LUZP1: variants seen among roughly 807,000 people sequenced by gnomAD.
LUZP1 encodes leucine zipper protein 1, also known as filamin mechanobinding actin cross-linking protein.
Under a neutral mutation model 71.3 loss-of-function variants are expected in LUZP1, and 25 were observed. The ratio of observed to expected loss-of-function variants is 0.35; its 90% CI spans 0.26 to 0.49. The LOEUF (loss-of-function observed/expected upper bound fraction) is 0.49, where lower values mean the gene tolerates loss of function less well. Ranked by LOEUF, LUZP1 falls within the 20% of genes least tolerant of loss-of-function variation. The pLI is 0.99. For synonymous variants in LUZP1, 481 were observed against 506.4 expected, an observed-to-expected ratio of 0.95 and a Z score of 0.67; for missense variants, 1,142 against 1,300.8, an observed-to-expected ratio of 0.88 and a Z score of 1.88.
chr1:23,140,252 T>C (rs1644291954), intron 2 of LUZP1: 1 of 152,130 alleles, frequency 6.6e-6, no homozygotes, highest in Admixed American at 6.5e-5. Context: ...ACTACAACCA[T>C]GGCTGACAAA....
At chr1:23,173,192 G>A (rs1197978470) in intron 1 of LUZP1, among the ~76,000 whole-genome samples, 7 of 151,704 alleles carry the variant, frequency 4.6e-5, no homozygotes, top group Non-Finnish European at 1.0e-4. Context: ...AGGAGTTGGA[G>A]GCTACAGTGA....
At chr1:23,139,302 T>A (rs1644285093) in intron 2 of LUZP1, among the ~76,000 whole-genome samples, 1 of 151,928 alleles carries the variant, frequency 6.6e-6, no homozygotes, top group Non-Finnish European at 1.5e-5. Flanking sequence ...CTTATGATAT[T>A]CAGTTTATTA....
chr1:23,088,733 CCAAATGG>C, exon 5 of LUZP1: 1 of 977,464 alleles, frequency 1.0e-6, no homozygotes, highest in Non-Finnish European at 1.5e-6. Context: ...TTCCCTCTGG[CCAAATGG>C]CAAAAATTAC....
intron 2 of LUZP1, among the ~76,000 whole-genome samples, chr1:23,163,211 G>C (rs1644482795): frequency 6.9e-6 from 1 of 144,584 alleles, no homozygotes; most frequent in African/African-American, 2.6e-5. Context: ...CTTCACTCCA[G>C]CCTGGGTGAC....
intron 2 of LUZP1, among the ~76,000 whole-genome samples, chr1:23,127,544 G>C (rs1214215788): frequency 6.6e-6 from 1 of 152,120 alleles, no homozygotes; most frequent in Non-Finnish European, 1.5e-5. Flanking sequence ...TTTGTTTTGA[G>C]ACGGAGTCTC....
chr1:23,099,416 G>C (rs1453697180), intron 3 of LUZP1, among the ~76,000 whole-genome samples: 1 of 152,148 alleles, frequency 6.6e-6, no homozygotes, highest in African/African-American at 2.4e-5. Flanking sequence ...CCATTAAATT[G>C]TGTATTTTAA....
intron 2 of LUZP1, among the ~76,000 whole-genome samples, chr1:23,130,986 G>A (rs1283276402): frequency 6.6e-6 from 1 of 151,980 alleles, no homozygotes; most frequent in African/African-American, 2.4e-5. Flanking sequence ...GGGAGGCAGA[G>A]GTGGGCAGAT....
exon 4 of LUZP1, chr1:23,092,769 C>G: frequency 6.2e-7 from 1 of 1,613,788 alleles, no homozygotes; most frequent in Non-Finnish European, 8.5e-7. Context: ...CTTCAGTCCG[C>G]TCTCGGTGCC....
chr1:23,122,548 A>G (rs112977586), intron 2 of LUZP1, among the ~76,000 whole-genome samples: 49 of 152,350 alleles, frequency 3.2e-4, no homozygotes, highest in African/African-American at 1.2e-3. Flanking sequence ...TAAGCCAGGC[A>G]GTACTAAAAG....
At chr1:23,126,722 G>A (rs971502087) in intron 2 of LUZP1, among the ~76,000 whole-genome samples, 3 of 152,148 alleles carry the variant, frequency 2.0e-5, no homozygotes, top group African/African-American at 7.2e-5. Flanking sequence ...CATACTGTCA[G>A]CTGTACCTTT....
At chr1:23,109,705 TA>T (rs766644124) in intron 2 of LUZP1, 1 of 152,222 alleles carries the variant, frequency 6.6e-6, no homozygotes, top group Non-Finnish European at 1.5e-5. Context: ...ATAGGAAACA[TA>T]AACGAATTTC....
chr1:23,173,337 G>GT (rs1644563408), intron 1 of LUZP1, among the ~76,000 whole-genome samples: 1 of 107,682 alleles, frequency 9.3e-6, no homozygotes, highest in Non-Finnish European at 2.1e-5. Context: ...GTTTCATTTT[G>GT]TTTTTGTTTT....
intron 2 of LUZP1, chr1:23,133,808 T>C (rs539763689): frequency 2.7e-5 from 4 of 149,430 alleles, no homozygotes; most frequent in East Asian, 2.0e-4. Context: ...AATAAAGAGA[T>C]AGACTGACAT....
intron 2 of LUZP1, among the ~76,000 whole-genome samples, chr1:23,139,207 C>CA (rs1644284438): frequency 6.6e-6 from 1 of 150,612 alleles, no homozygotes; most frequent in Non-Finnish European, 1.5e-5. Flanking sequence ...AAAATGCCAA[C>CA]ACAAGGTGAA....
In LUZP1 at chr1:23,094,279, G is replaced by A. The variant is rs747147780; in HGVS notation, c.-18C>T. 3 of 1,581,882 alleles carry A rather than the reference G, an allele frequency of 1.9e-6. No homozygotes were observed. The African/African-American group carries it at 4.1e-5, about 21-fold the overall frequency. ...TCGGCCATGTCTACTGCCAGCCAAT[G>A]TGGGCTCCTAGAGGCATCCAATTCC... On this transcript the variant is annotated 5_prime_UTR_variant, in exon 4 of 5. Coordinates refer to ENST00000302291, the Ensembl canonical transcript of LUZP1. The surrounding 1 kb of genome is among the most constrained non-coding windows in gnomAD (Gnocchi z 4.7).
chr1:23,128,132 A>G (rs1451331896), intron 2 of LUZP1, among the ~76,000 whole-genome samples: 1 of 152,092 alleles, frequency 6.6e-6, no homozygotes, highest in East Asian at 1.9e-4. Flanking sequence ...TCTGTCCCAA[A>G]AAGAAAAAAA....
chr1:23,118,553 G>C (rs1644104782), intron 2 of LUZP1, among the ~76,000 whole-genome samples: 1 of 152,126 alleles, frequency 6.6e-6, no homozygotes, highest in Non-Finnish European at 1.5e-5. Flanking sequence ...TTGACTACAA[G>C]ATTATAAGGA....
At chr1:23,168,170 C>G (rs1198061702) in intron 2 of LUZP1, among the ~76,000 whole-genome samples, 1 of 144,494 alleles carries the variant, frequency 6.9e-6, no homozygotes, top group South Asian at 2.1e-4. Flanking sequence ...CGGCCCGCGG[C>G]CCGCGCCCCG....
At chr1:23,137,712 A>C (rs928150739) in intron 2 of LUZP1, among the ~76,000 whole-genome samples, 4 of 152,230 alleles carry the variant, frequency 2.6e-5, no homozygotes, top group African/African-American at 9.6e-5. Flanking sequence ...GACAATAACA[A>C]GTGTAAGAGA....
Sources: allele counts gnomAD v4.1 joint callset (sites outside exome capture counted in the v4.1 genomes callset), GRCh38; gene constraint gnomAD v4.1.1; non-coding constraint Gnocchi (gnomAD v3.1); transcripts MANE v1.5; gene names NCBI Gene and HGNC (gene_info 2026-07-23, HGNC 2026-07-21).